The following FCER1A variants were observed in gnomAD, a reference collection of about 807,000 sequenced individuals.
The protein encoded by FCER1A is high affinity immunoglobulin epsilon receptor subunit alpha.
Under a neutral mutation model 23.6 loss-of-function variants are expected in FCER1A, and 24 were observed. The ratio of observed to expected loss-of-function variants is 1.02; its 90% confidence interval spans 0.74 to 1.43. The LOEUF is 1.43. Among genes scored for constraint, FCER1A ranks in the 40% most tolerant of loss-of-function variants. The probability of loss-of-function intolerance (pLI) is 0.00; values close to 1 mark genes in which losing one functional copy is unlikely to be tolerated. For synonymous variants in FCER1A, 121 were observed against 108.8 expected (o/e 1.11, Z -0.70); for missense variants, 318 against 294.5 (o/e 1.08, Z -0.58).
upstream of FCER1A, among the ~76,000 whole-genome samples, chr1:159,285,998 A>G (rs1430160882): frequency 1.3e-5 from 2 of 152,082 alleles, no homozygotes; most frequent in African/African-American, 4.8e-5. Flanking sequence ...CAGCCTGGAC[A>G]AACCAGCATG....
chr1:159,301,877 G>C (rs1221477501), upstream of FCER1A, among the ~76,000 whole-genome samples: 1 of 152,122 alleles, frequency 6.6e-6, no homozygotes, highest in African/African-American at 2.4e-5. Context: ...CTAAGATTCA[G>C]TTTTCCTGTT....
intron 1 of FCER1A, among the ~76,000 whole-genome samples, chr1:159,290,289 T>C (rs1194021839): frequency 6.6e-6 from 1 of 152,108 alleles, no homozygotes; most frequent in Non-Finnish European, 1.5e-5. Context: ...TATGCCCACC[T>C]AACTCAGGGG....
At chr1:159,295,018 G>A (rs1652258023) in intron 1 of FCER1A, among the ~76,000 whole-genome samples, 1 of 152,116 alleles carries the variant, frequency 6.6e-6, no homozygotes, top group Non-Finnish European at 1.5e-5. Context: ...TTCTCTTAAA[G>A]ATAAATTGGC....
chr1:159,289,482 G>T (rs912065078), upstream of FCER1A, among the ~76,000 whole-genome samples: 6 of 152,182 alleles, frequency 3.9e-5, no homozygotes, highest in South Asian at 2.1e-4. Context: ...GTCTCAACTT[G>T]TGAGGTGTAA....
At chr1:159,299,266 A>T (rs753883327), upstream of FCER1A, among the ~76,000 whole-genome samples, 18 of 152,212 alleles carry the variant, frequency 1.2e-4, no homozygotes, top group Non-Finnish European at 2.4e-4. Flanking sequence ...ATTCAATTTT[A>T]TATGGACCTC....
upstream of FCER1A, among the ~76,000 whole-genome samples, chr1:159,286,621 C>T (rs1165428686): frequency 2.6e-5 from 4 of 152,186 alleles, no homozygotes; most frequent in Admixed American, 6.5e-5. Flanking sequence ...CGTAAGCCAT[C>T]GTGCCCGGCC....
chr1:159,303,233 A>G (rs1378671480), intron 2 of FCER1A, among the ~76,000 whole-genome samples: 1 of 152,144 alleles, frequency 6.6e-6, no homozygotes, highest in Non-Finnish European at 1.5e-5. Context: ...TTACATGGCT[A>G]AGGAACTGGA....
In FCER1A at chr1:159,303,948, T is replaced by A. The variant is rs761704337; in HGVS notation, c.97T>A (p.Ser33Thr). The change falls in exon 3 of 5, where the codon TCC (serine) becomes ACC (threonine). Residue 33 changes from serine (S) to threonine (T), a missense_variant. Coordinates refer to ENST00000693622, the MANE Select transcript of FCER1A (RefSeq NM_001387280.1). ...VLAVPQKPKV[S>T]LNPPWNRIFK... ...TGAAGTCCCTCAGAAACCTAAGGTC[T>A]CCTTGAACCCTCCATGGAATAGAAT... 30 of 1,612,386 alleles carry A rather than the reference T, an allele frequency of 1.9e-5. No individual in the cohort carries two copies. The highest frequency in any genetic ancestry group is 2.5e-5 in the Non-Finnish European group (30 of 1,178,736).
chr1:159,285,623 A>G (rs1284541944), upstream of FCER1A, among the ~76,000 whole-genome samples: 1 of 151,914 alleles, frequency 6.6e-6, no homozygotes, highest in Non-Finnish European at 1.5e-5. Context: ...TGTCTGATTT[A>G]ACAAAAATAC....
At chr1:159,286,684 T>G (rs1318665283), upstream of FCER1A, among the ~76,000 whole-genome samples, 1 of 152,188 alleles carries the variant, frequency 6.6e-6, no homozygotes, top group Admixed American at 6.5e-5. Context: ...ATCATGCCAT[T>G]TCTTTTACAT....
chr1:159,300,408 G>C (rs191241743), upstream of FCER1A, among the ~76,000 whole-genome samples: 2 of 152,268 alleles, frequency 1.3e-5, no homozygotes, highest in Admixed American at 1.3e-4. Context: ...TGGTAAAGTA[G>C]AATCTTTCCC....
upstream of FCER1A, among the ~76,000 whole-genome samples, chr1:159,300,511 A>C (rs1448434609): frequency 6.6e-6 from 1 of 151,956 alleles, no homozygotes; most frequent in Non-Finnish European, 1.5e-5. Context: ...CTCTTCTCCA[A>C]TCCTATCCAA....
At chr1:159,298,471 G>A (rs1410597007), upstream of FCER1A, among the ~76,000 whole-genome samples, 3 of 152,152 alleles carry the variant, frequency 2.0e-5, no homozygotes, top group Non-Finnish European at 4.4e-5. Context: ...AGTCCTGGGA[G>A]TTTCCATTTA....
upstream of FCER1A, among the ~76,000 whole-genome samples, chr1:159,288,609 TATC>T (rs1159837574): frequency 6.6e-6 from 1 of 152,148 alleles, no homozygotes; most frequent in Non-Finnish European, 1.5e-5. Context: ...ACTGCACTCT[TATC>T]ATTTCAGTAT....
At chr1:159,288,483 T>A (rs1652071243), upstream of FCER1A, among the ~76,000 whole-genome samples, 1 of 152,218 alleles carries the variant, frequency 6.6e-6, no homozygotes, top group South Asian at 2.1e-4. Flanking sequence ...CTGTTAGAGT[T>A]TACTGGATGT....
At position 159,308,101 on chromosome 1, in the gene FCER1A, G is replaced by C. The variant is rs1652672709; in HGVS notation, c.*169G>C. On this transcript the variant is annotated 3_prime_UTR_variant, in exon 5 of 5. Coordinates refer to ENST00000693622, the MANE Select transcript of FCER1A (RefSeq NM_001387280.1). ...CTGGTTAAGTGGCATGTAATAGTAA[G>C]TGCTCAATTAACATTGGTTGAATAA... The C allele has an allele frequency of 4.2e-6, 2 of 481,694 alleles. No homozygotes were observed. Among genetic ancestry groups the C allele is most frequent in the African/African-American group, 3.8e-5 (2 of 52,168 alleles). The allele number at this position is 481,694 out of a possible 1,614,324, so 29.8% of individuals were successfully genotyped here.
upstream of FCER1A, chr1:159,302,323 A>T (rs1182997101): frequency 7.0e-7 from 1 of 1,423,146 alleles, no homozygotes; most frequent in African/African-American, 1.4e-5. Flanking sequence ...TTGAAGCCTT[A>T]GATCTCTCCA....
At chr1:159,286,466 G>T (rs946985488), upstream of FCER1A, among the ~76,000 whole-genome samples, 10 of 151,766 alleles carry the variant, frequency 6.6e-5, no homozygotes, top group Non-Finnish European at 1.2e-4. Context: ...CCGAGTAGCT[G>T]GGACTACAGG....
Position 159,305,078 on chromosome 1 carries a change from G to A in FCER1A, c.331+896G>A, listed in dbSNP as rs371069646. 1.1e-3 allele frequency among the ~76,000 whole-genome samples: 168 copies of A among 152,274 alleles called. 4 individuals are homozygous for A. In the South Asian group the frequency reaches 0.034, roughly 31 times the overall value. ...ATAAACAAATTAATGATTTTGAATAGTGACCAATAGGTCTCTTTTATACTC... is the reference window on the plus strand; with the variant it reads ...ATAAACAAATTAATGATTTTGAATAATGACCAATAGGTCTCTTTTATACTC... On this transcript the variant is annotated intron_variant, in intron 3 of 4. Transcript: ENST00000693622.
Sources: allele counts gnomAD v4.1 joint callset (sites outside exome capture counted in the v4.1 genomes callset), GRCh38; gene constraint gnomAD v4.1.1; transcripts MANE v1.5; gene names NCBI Gene and HGNC (gene_info 2026-07-23, HGNC 2026-07-21).